The following CEP68 variants were observed in gnomAD, a reference collection of about 807,000 sequenced individuals.
The protein encoded by CEP68 is centrosomal protein of 68 kDa.
CEP68 carries 26 observed loss-of-function variants against 55.3 expected under a neutral mutation model. That is an observed-to-expected ratio of 0.47 (90% CI 0.34 to 0.65). The LOEUF (loss-of-function observed/expected upper bound fraction) is 0.65. CEP68 is among the 30% of genes least tolerant of loss of function. CEP68 has a pLI of 0.01. For missense variants in CEP68, 957 were observed against 946.7 expected, an observed-to-expected ratio of 1.01 and a Z score of -0.14; for synonymous variants, 402 against 383.2, an observed-to-expected ratio of 1.05 and a Z score of -0.57.
At position 65,074,620 on chromosome 2, in the gene CEP68, ATATT is replaced by A. The variant is rs1350203271; in HGVS notation, c.2007+220_2007+223del. 4.8e-6 allele frequency: 3 copies of A among 627,942 alleles called. No individual in the cohort carries two copies. The African/African-American group carries it at 5.5e-5, about 12-fold the overall frequency. 38.9% of individuals were successfully genotyped at this position (627,942 alleles called of 1,614,324 possible). On this transcript the variant is annotated intron_variant, in intron 4 of 6. Coordinates refer to ENST00000377990, the MANE Select transcript of CEP68 (RefSeq NM_015147.3). ...GCCAAATGGAGCTTGAAGATACAAT[ATATT>A]TATCTCAAATCAAAAATACTTTAGG...
intron 1 of CEP68, among the ~76,000 whole-genome samples, chr2:65,056,885 G>C (rs1459725456): frequency 2.6e-5 from 4 of 152,310 alleles, no homozygotes; most frequent in Non-Finnish European, 5.9e-5. Flanking sequence ...CCGCTGGTCG[G>C]CCTGGGCCCC....
At chr2:65,070,288 T>C (rs182271070) in intron 2 of CEP68, among the ~76,000 whole-genome samples, 3 of 152,258 alleles carry the variant, frequency 2.0e-5, no homozygotes, top group East Asian at 3.9e-4. Flanking sequence ...TTAAGGAGAA[T>C]TCCTTGGGCT....
In CEP68 at chr2:65,082,627, G is replaced by A; in HGVS notation, c.2196G>A (p.Leu732=). 1 of 1,612,290 alleles carries A rather than the reference G, an allele frequency of 6.2e-7. No individual in the cohort carries two copies. The highest frequency in any genetic ancestry group is 8.5e-7 in the Non-Finnish European group (1 of 1,179,388). Residue 732 remains leucine (L), a synonymous_variant, in exon 6 of 7, where the codon CTG becomes CTA. Transcript: ENST00000377990. ...TGTATGACTCTATCTTGGCCTCTCTGGACATGCTGGCTGGCTGCACCCTTA... is the reference window on the plus strand; with the variant it reads ...TGTATGACTCTATCTTGGCCTCTCTAGACATGCTGGCTGGCTGCACCCTTA... ...DRLYDSILAS[L]DMLAGCTLIP...
chr2:65,076,060 C>T (rs1215532969), intron 4 of CEP68, among the ~76,000 whole-genome samples: 1 of 151,432 alleles, frequency 6.6e-6, no homozygotes, highest in African/African-American at 2.4e-5. Context: ...CTTTGAGTTC[C>T]TCACTTTGAG....
At chr2:65,065,201 G>T (rs552287539) in intron 1 of CEP68, among the ~76,000 whole-genome samples, 96 of 152,374 alleles carry the variant, frequency 6.3e-4, no homozygotes, top group African/African-American at 2.2e-3. Flanking sequence ...CCACTTGGCA[G>T]TGTGTGCAAA....
intron 1 of CEP68, among the ~76,000 whole-genome samples, chr2:65,063,613 C>T (rs1335193372): frequency 6.6e-6 from 1 of 152,186 alleles, no homozygotes; most frequent in African/African-American, 2.4e-5. Flanking sequence ...TCGCCCCCAC[C>T]CCTACCCCAG....
rs1439547760 is a variant in CEP68, at chr2:65,056,516, C to T, written c.-59C>T. 2 of 152,292 alleles carry T rather than the reference C, an allele frequency of 1.3e-5. No individual in the cohort carries two copies. The highest frequency in any genetic ancestry group is 2.9e-5 in the Non-Finnish European group (2 of 68,144). 9.4% of individuals were successfully genotyped at this position (152,292 alleles called of 1,614,324 possible). A position where few individuals can be genotyped will look rare whatever the true frequency, so the allele number is the denominator to read the frequency against. ...GACCGCTCCGGACGTGCGAAGCGTT[C>T]GCGGTGCGGTAGGTAGGCAGTGTCC... On this transcript the variant is annotated 5_prime_UTR_variant, in exon 1 of 7. Transcript: ENST00000377990.
chr2:65,076,490 A>C (rs932989182), intron 4 of CEP68, among the ~76,000 whole-genome samples: 8 of 152,198 alleles, frequency 5.3e-5, no homozygotes, highest in Non-Finnish European at 1.0e-4. Flanking sequence ...CTGTACTGCT[A>C]GCCCCTTGCC....
intron 1 of CEP68, among the ~76,000 whole-genome samples, chr2:65,062,489 C>T (rs2723082): frequency 0.33 from 47,213 of 142,798 alleles, 7,861 homozygotes; most frequent in Middle Eastern, 0.46. Context: ...GCCAAGATCT[C>T]GCTGCTGTAC....
At chr2:65,062,512 G>A (rs1160055753) in intron 1 of CEP68, among the ~76,000 whole-genome samples, 11 of 132,760 alleles carry the variant, frequency 8.3e-5, no homozygotes, top group African/African-American at 1.4e-4. Context: ...CAACCTGGGC[G>A]ACAGAGTGAG....
Position 65,083,687 on chromosome 2 carries a change from G to A in CEP68, c.*53G>A, listed in dbSNP as rs1049199144. ...ACCTGTCGGCCAAACACTGGCTAGT[G>A]AGAAAAAAAACCTTCAAGAAGTCCT... On this transcript the variant is annotated 3_prime_UTR_variant, in exon 7 of 7. Coordinates refer to ENST00000377990, the MANE Select transcript of CEP68 (RefSeq NM_015147.3). The A allele has an allele frequency of 3.3e-5, 5 of 152,160 alleles. No homozygotes were observed. The highest frequency in any genetic ancestry group is 1.2e-4 in the African/African-American group (5 of 41,438). 9.4% of individuals were successfully genotyped at this position (152,160 alleles called of 1,614,324 possible).
At chr2:65,075,807 T>C (rs1175852270) in intron 4 of CEP68, among the ~76,000 whole-genome samples, 1 of 152,150 alleles carries the variant, frequency 6.6e-6, no homozygotes, top group Non-Finnish European at 1.5e-5. Flanking sequence ...TTTGAATTCC[T>C]ACAACCTTAT....
chr2:65,082,507 G>C, intron 5 of CEP68, 29 bp from the exon 6 acceptor site: 1 of 1,499,082 alleles, frequency 6.7e-7, no homozygotes, highest in Non-Finnish European at 8.9e-7. Context: ...TTTTATTTCT[G>C]GTTTAATTTC....
intron 1 of CEP68, among the ~76,000 whole-genome samples, chr2:65,066,111 C>G (rs1363470512): frequency 1.3e-5 from 2 of 152,152 alleles, no homozygotes; most frequent in Non-Finnish European, 1.5e-5. Context: ...GCTCACTCAT[C>G]TACCCACACT....
intron 5 of CEP68, among the ~76,000 whole-genome samples, chr2:65,079,404 G>C (rs566046564): frequency 6.6e-6 from 1 of 152,200 alleles, no homozygotes; most frequent in Non-Finnish European, 1.5e-5. Flanking sequence ...ACATTGCTAA[G>C]TGTACCCTGG....
chr2:65,082,775 A>G, intron 6 of CEP68, 66 bp downstream of exon 6: 4 of 1,331,948 alleles, frequency 3.0e-6, no homozygotes, highest in Non-Finnish European at 3.0e-6. Context: ...GCCACTACTT[A>G]GAAGCTTGTT....
chr2:65,072,789 G>GC lies in CEP68; in HGVS notation c.1696dup (p.His566ProfsTer31), dbSNP rs749763726. ...CTGTTTCCTGCGCTCCTTCGTCCGT[G>GC]CCCACGACTCCGCAGGGGAAGGCAG... On this transcript the variant is annotated frameshift_variant, in exon 3 of 7. Transcript: ENST00000377990. LOFTEE classifies it high-confidence loss of function. The GC allele has an allele frequency of 1.2e-6, 2 of 1,614,062 alleles. No homozygotes were observed. Among genetic ancestry groups the GC allele is most frequent in the African/African-American group, 2.7e-5 (2 of 74,940 alleles).
At chr2:65,067,304 C>G (rs566826250) in intron 1 of CEP68, among the ~76,000 whole-genome samples, 1 of 151,494 alleles carries the variant, frequency 6.6e-6, no homozygotes, top group Non-Finnish European at 1.5e-5. Flanking sequence ...CGCTTGAACC[C>G]GGGAGGTGGA....
intron 1 of CEP68, among the ~76,000 whole-genome samples, chr2:65,057,065 T>G (rs1675654551): frequency 6.6e-6 from 1 of 152,270 alleles, no homozygotes; most frequent in African/African-American, 2.4e-5. Flanking sequence ...TCTCATTTTT[T>G]TTGCCTCGGA....
Sources: gnomAD v4.1 joint callset for allele counts (sites outside exome capture counted in the v4.1 genomes callset) on GRCh38, gnomAD v4.1.1 for gene constraint, MANE v1.5 for transcripts, NCBI Gene and HGNC (gene_info 2026-07-23, HGNC 2026-07-21) for gene names.